DENND1B: variants seen among roughly 807,000 people sequenced by gnomAD.
The protein encoded by DENND1B is DENN domain containing 1B.
A neutral mutation model predicts 90.1 loss-of-function variants in DENND1B; 59 were observed. The observed-to-expected ratio is 0.65, with a 90% confidence interval of 0.53 to 0.81. The LOEUF is 0.81. Among genes scored for constraint, DENND1B ranks in the 40% least tolerant of loss-of-function variants. DENND1B has a pLI of 0.00. For missense variants in DENND1B, 862 were observed against 912.6 expected (o/e 0.94, Z 0.71); for synonymous variants, 337 against 324.6 (o/e 1.04, Z -0.41).
intron 3 of DENND1B, among the ~76,000 whole-genome samples, chr1:197,697,244 A>T (rs1420162924): frequency 6.6e-6 from 1 of 151,710 alleles, no homozygotes; most frequent in Non-Finnish European, 1.5e-5. Flanking sequence ...TGTCACTGAT[A>T]GCAGGGGATT....
At chr1:197,611,412 A>G (rs891391392) in intron 12 of DENND1B, among the ~76,000 whole-genome samples, 16 of 150,972 alleles carry the variant, frequency 1.1e-4, no homozygotes, top group African/African-American at 3.6e-4. Flanking sequence ...GAAAAAAATT[A>G]CTAAATTTTA....
At chr1:197,634,327 A>C (rs1424224569) in intron 10 of DENND1B, among the ~76,000 whole-genome samples, 1 of 152,164 alleles carries the variant, frequency 6.6e-6, no homozygotes, top group Non-Finnish European at 1.5e-5. Flanking sequence ...TTTCCTGGTC[A>C]TATCCAGACT....
chr1:197,707,213 T>C (rs1471984214), intron 3 of DENND1B, among the ~76,000 whole-genome samples: 2 of 152,074 alleles, frequency 1.3e-5, no homozygotes, highest in Non-Finnish European at 2.9e-5. Flanking sequence ...AAAAAATTGA[T>C]CTCATAGAAG....
At chr1:197,744,294 C>T (rs572996064) in intron 2 of DENND1B, among the ~76,000 whole-genome samples, 7 of 152,264 alleles carry the variant, frequency 4.6e-5, no homozygotes, top group African/African-American at 1.4e-4. Flanking sequence ...GAATCAGTAT[C>T]TAGGGCATCT....
chr1:197,679,822 T>C (rs1656482151), intron 3 of DENND1B, among the ~76,000 whole-genome samples: 1 of 149,996 alleles, frequency 6.7e-6, no homozygotes, highest in African/African-American at 2.4e-5. Context: ...TTTTTTTTTT[T>C]TTTTTTCAAA....
chr1:197,702,018 T>G (rs888766336), intron 3 of DENND1B, among the ~76,000 whole-genome samples: 1 of 152,196 alleles, frequency 6.6e-6, no homozygotes, highest in African/African-American at 2.4e-5. Context: ...CCTTTGCTCT[T>G]GTGTTAGTAT....
At chr1:197,622,798 A>G (rs771727293) in intron 10 of DENND1B, among the ~76,000 whole-genome samples, 18 of 151,502 alleles carry the variant, frequency 1.2e-4, no homozygotes, top group Non-Finnish European at 2.1e-4. Flanking sequence ...GTGATACAAA[A>G]TCTGATTTGT....
chr1:197,732,632 A>G (rs958257378), intron 2 of DENND1B, among the ~76,000 whole-genome samples: 5 of 152,226 alleles, frequency 3.3e-5, no homozygotes, highest in African/African-American at 1.2e-4. Context: ...TATTCTCAGG[A>G]ATAAGTTACA....
At chr1:197,578,626 C>T (rs1443195963) in intron 15 of DENND1B, among the ~76,000 whole-genome samples, 1 of 152,076 alleles carries the variant, frequency 6.6e-6, no homozygotes, top group Non-Finnish European at 1.5e-5. Context: ...TATAATCATT[C>T]TACAATGTGT....
At chr1:197,559,727 A>AAGT (rs3078517) in intron 15 of DENND1B, among the ~76,000 whole-genome samples, 121,178 of 151,534 alleles carry the variant, frequency 0.8, 48,568 homozygotes, top group East Asian at 0.87. Flanking sequence ...AAAATTTAAT[A>AAGT]AGTCTAATTT....
chr1:197,537,011 A>T (rs1669960338), intron 20 of DENND1B, among the ~76,000 whole-genome samples: 1 of 151,078 alleles, frequency 6.6e-6, no homozygotes, highest in Non-Finnish European at 1.5e-5. Flanking sequence ...ACTGCACTCC[A>T]GCCTGGGGGA....
chr1:197,664,767 CAA>C (rs1654774559), intron 5 of DENND1B, among the ~76,000 whole-genome samples: 1 of 151,906 alleles, frequency 6.6e-6, no homozygotes, highest in Admixed American at 6.6e-5. Flanking sequence ...AAAATTGACA[CAA>C]AATGTGTAAA....
chr1:197,777,480 G>C (rs1053945374), upstream of DENND1B, among the ~76,000 whole-genome samples: 1 of 152,160 alleles, frequency 6.6e-6, no homozygotes, highest in African/African-American at 2.4e-5. Flanking sequence ...AGGAACATAG[G>C]TGTACATGAT....
At chr1:197,543,886 T>C (rs576861771) in intron 18 of DENND1B, among the ~76,000 whole-genome samples, 1 of 152,320 alleles carries the variant, frequency 6.6e-6, no homozygotes, top group South Asian at 2.1e-4. Context: ...TTCTAAACTT[T>C]TATTAAAATA....
intron 10 of DENND1B, among the ~76,000 whole-genome samples, chr1:197,618,140 A>C (rs1677826674): frequency 6.6e-6 from 1 of 151,262 alleles, no homozygotes; most frequent in Non-Finnish European, 1.5e-5. Flanking sequence ...AGATGATTAA[A>C]TATGGAAAGG....
chr1:197,674,093 T>A, intron 4 of DENND1B, 27 bp downstream of exon 4: 1 of 1,507,130 alleles, frequency 6.6e-7, no homozygotes, highest in South Asian at 1.2e-5. Context: ...GAATCTACAT[T>A]TATTTTAAAT....
At chr1:197,627,715 A>G (rs1678903758) in intron 10 of DENND1B, among the ~76,000 whole-genome samples, 2 of 152,094 alleles carry the variant, frequency 1.3e-5, no homozygotes, top group African/African-American at 4.8e-5. Flanking sequence ...AGGGTATTCA[A>G]TTAGGAAAAG....
chr1:197,586,018 T>C (rs1029684940), intron 14 of DENND1B, among the ~76,000 whole-genome samples: 1 of 152,216 alleles, frequency 6.6e-6, no homozygotes, highest in Non-Finnish European at 1.5e-5. Context: ...AGGACTAGTT[T>C]GTCAACTGAT....
chr1:197,702,791 GTGT>G lies in DENND1B; in HGVS notation c.126+12237_126+12239del, dbSNP rs369046501. Among the ~76,000 whole-genome samples, 40 of 152,074 alleles carry G rather than the reference GTGT, an allele frequency of 2.6e-4. No individual in the cohort carries two copies. The East Asian group carries it at 2.7e-3, about 10-fold the overall frequency. ...AAGTTCTCAATCATCTACCCCTCAA[GTGT>G]TGTTGTTGTTGTTGTTTTCCTGTAA... On this transcript the variant is annotated intron_variant, in intron 3 of 22. Coordinates refer to ENST00000620048, the MANE Select transcript of DENND1B (RefSeq NM_001195215.2).
Sources: allele counts gnomAD v4.1 joint callset (sites outside exome capture counted in the v4.1 genomes callset), GRCh38; gene constraint gnomAD v4.1.1; transcripts MANE v1.5; gene names NCBI Gene and HGNC (gene_info 2026-07-23, HGNC 2026-07-21).